Variants in PTGER4 observed in about 807,000 individuals in gnomAD.
PTGER4 encodes the protein prostaglandin E2 receptor EP4 subtype.
Under a neutral mutation model 33.2 loss-of-function variants are expected in PTGER4, and 11 were observed. That is an observed-to-expected ratio of 0.33 (90% CI 0.21 to 0.55). The LOEUF is 0.55. Among genes scored for constraint, PTGER4 ranks in the 20% least tolerant of loss-of-function variants. The pLI is 0.92. For synonymous variants in PTGER4, 275 were observed against 281.5 expected, an observed-to-expected ratio of 0.98 and a Z score of 0.23; for missense variants, 481 against 650.2, an observed-to-expected ratio of 0.74 and a Z score of 2.83.
At chr5:40,724,947 G>C in the PTGER4 span, among the ~76,000 whole-genome samples, 1 of 151,026 alleles carries the variant, frequency 6.6e-6, no homozygotes. Flanking sequence ...CCACCTGCCA[G>C]GTTCAAGATA....
At position 40,681,308 on chromosome 5, in the gene PTGER4, C is replaced by T; in HGVS notation, c.315C>T (p.Ser105=). The change falls in exon 2 of 3, where the codon TCC becomes TCT. Residue 105 remains serine, a synonymous_variant. Transcript: ENST00000302472. The surrounding 1 kb of genome is among the most constrained non-coding windows in gnomAD (Gnocchi z 9.8). The part of the protein sequence containing the change: ...STFILLFFSL[S]GLSIICAMSV... ...TCATTCTGCTCTTCTTCAGCCTGTC[C>T]GGCCTCAGCATCATCTGCGCCATGA... 6.2e-7 allele frequency: 1 copy of T among 1,614,198 alleles called. No individual in the cohort carries two copies. The highest frequency in any genetic ancestry group is 1.3e-5 in the African/African-American group (1 of 75,066).
At chr5:40,742,993 A>C in the PTGER4 span, among the ~76,000 whole-genome samples, 1 of 152,226 alleles carries the variant, frequency 6.6e-6, no homozygotes, top group Non-Finnish European at 1.5e-5. Flanking sequence ...CTAAGAGCTG[A>C]AGACACTATA....
At chr5:40,731,402 G>A in the PTGER4 span, among the ~76,000 whole-genome samples, 27 of 152,076 alleles carry the variant, frequency 1.8e-4, no homozygotes, top group East Asian at 5.8e-4. Flanking sequence ...TCACTCTCAC[G>A]CTGCAATAAA....
the PTGER4 span, among the ~76,000 whole-genome samples, chr5:40,704,104 C>G: frequency 6.6e-6 from 1 of 151,902 alleles, no homozygotes; most frequent in African/African-American, 2.4e-5. Context: ...TACCTACAAA[C>G]CAAATCCAGC....
chr5:40,716,067 T>A, the PTGER4 span: 2 of 1,233,040 alleles, frequency 1.6e-6, no homozygotes. Context: ...CCTATCTATC[T>A]CCAGAGTAAA....
the PTGER4 span, among the ~76,000 whole-genome samples, chr5:40,713,955 ATGAGC>A: frequency 2.8e-4 from 43 of 152,212 alleles, no homozygotes; most frequent in Non-Finnish European, 4.9e-4. Context: ...GCCTGCAGAA[ATGAGC>A]TGCCTTCCTT....
chr5:40,713,940 G>A, the PTGER4 span, among the ~76,000 whole-genome samples: 1 of 152,158 alleles, frequency 6.6e-6, no homozygotes, highest in South Asian at 2.1e-4. Context: ...TAAGCATTTT[G>A]AGGGGCCTGC....
chr5:40,681,682 C>G lies in PTGER4; in HGVS notation c.689C>G (p.Ala230Gly). 6.4e-7 allele frequency: 1 copy of G among 1,570,738 alleles called. No individual in the cohort carries two copies. Among genetic ancestry groups the G allele is most frequent in the Non-Finnish European group, 8.6e-7 (1 of 1,164,114 alleles). ...TCGCTGGGCACCGAGCAGCACCACG[C>G]GGCCGCGGCCGCCTCGGTTGCCTCC... ...RTSLGTEQHH[A>G]AAAASVASRG... Residue 230 changes from alanine (A) to glycine (G), a missense_variant, in exon 2 of 3, where the codon GCG (alanine) becomes GGG (glycine). Coordinates refer to ENST00000302472, the MANE Select transcript of PTGER4 (RefSeq NM_000958.3). This position sits in a 1 kb window ranked among gnomAD's most constrained non-coding sequence, Gnocchi z 9.8.
rs1741165014 is a variant in PTGER4, at chr5:40,680,866, G to GT, written c.-43-84dup. 8.4e-7 allele frequency: 1 copy of GT among 1,189,612 alleles called. No individual in the cohort carries two copies. Among genetic ancestry groups the GT allele is most frequent in the South Asian group, 1.5e-5 (1 of 67,672 alleles). The allele number at this position is 1,189,612 out of a possible 1,614,324, so 73.7% of individuals were successfully genotyped here. A position where few individuals can be genotyped will look rare whatever the true frequency, so the allele number is the denominator to read the frequency against. On this transcript the variant is annotated intron_variant, in intron 1 of 2. Coordinates refer to ENST00000302472, the MANE Select transcript of PTGER4 (RefSeq NM_000958.3). The surrounding 1 kb of genome is among the most constrained non-coding windows in gnomAD (Gnocchi z 5.5). ...GAGTTGCTCCCCTTGTCTTATCAGT[G>GT]TATCGTTTCTCGGGCGCGGGTCTAA...
the PTGER4 span, among the ~76,000 whole-genome samples, chr5:40,722,892 GA>G: frequency 6.6e-6 from 1 of 151,722 alleles, no homozygotes; most frequent in Non-Finnish European, 1.5e-5. Context: ...CCCCATCTGG[GA>G]AGTGAGGAGC....
chr5:40,693,872 A>C (rs1164220533), downstream of PTGER4: 3 of 393,006 alleles, frequency 7.6e-6, no homozygotes, highest in African/African-American at 6.6e-5. Flanking sequence ...AGAAAAGTAC[A>C]AACTCTTGTA....
chr5:40,739,307 G>A, the PTGER4 span, among the ~76,000 whole-genome samples: 2 of 152,148 alleles, frequency 1.3e-5, no homozygotes, highest in Non-Finnish European at 2.9e-5. Flanking sequence ...CTGGGATTTC[G>A]ATTGGAATTG....
rs936413364 is a variant in PTGER4 at position 40,693,643 on chromosome 5, A to G, written c.*1265A>G. ...GTGTTTTTGTGAATTGCTTGGTTGT[A>G]ATTAAATTCTGAGCCTGATATTGAT... On this transcript the variant is annotated 3_prime_UTR_variant, in exon 3 of 3. Transcript: ENST00000302472. 5.1e-6 allele frequency: 5 copies of G among 984,658 alleles called. No homozygotes were observed. In the African/African-American group the frequency reaches 8.7e-5, roughly 17 times the overall value. The allele number at this position is 984,658 out of a possible 1,614,324, so 61.0% of individuals were successfully genotyped here.
At chr5:40,732,051 A>G in the PTGER4 span, among the ~76,000 whole-genome samples, 1 of 152,246 alleles carries the variant, frequency 6.6e-6, no homozygotes, top group African/African-American at 2.4e-5. Flanking sequence ...TGAGAGACAG[A>G]GTCTTGCTCC....
the PTGER4 span, among the ~76,000 whole-genome samples, chr5:40,722,684 G>A: frequency 2.0e-5 from 3 of 151,736 alleles, no homozygotes; most frequent in South Asian, 2.1e-4. Context: ...CGCCCAGTCT[G>A]GGAAGTGAGG....
At chr5:40,706,344 G>A in the PTGER4 span, among the ~76,000 whole-genome samples, 1 of 152,124 alleles carries the variant, frequency 6.6e-6, no homozygotes, top group South Asian at 2.1e-4. Context: ...AGGGTGGCAG[G>A]GGGGAGAAGA....
At chr5:40,695,552 T>TA (rs896895008), downstream of PTGER4, among the ~76,000 whole-genome samples, 5 of 144,368 alleles carry the variant, frequency 3.5e-5, no homozygotes, top group Non-Finnish European at 6.1e-5. Context: ...TCAAAAAAAA[T>TA]AAAAAATAAA....
chr5:40,742,854 G>A, the PTGER4 span, among the ~76,000 whole-genome samples: 3 of 152,184 alleles, frequency 2.0e-5, no homozygotes, highest in South Asian at 2.1e-4. Flanking sequence ...GTTTTTAAAC[G>A]TATATTCTAT....
At chr5:40,709,289 G>A in the PTGER4 span, among the ~76,000 whole-genome samples, 26 of 152,272 alleles carry the variant, frequency 1.7e-4, no homozygotes, top group Non-Finnish European at 2.8e-4. Flanking sequence ...AAACCCCATC[G>A]TCTCAGATCA....
Sources: gnomAD v4.1 joint callset for allele counts (sites outside exome capture counted in the v4.1 genomes callset) on GRCh38, gnomAD v4.1.1 for gene constraint, Gnocchi (gnomAD v3.1) non-coding constraint, MANE v1.5 for transcripts, NCBI Gene and HGNC (gene_info 2026-07-23, HGNC 2026-07-21) for gene names.